Variants in EIF4E3 observed in about 807,000 individuals in gnomAD.
EIF4E3 encodes the protein eukaryotic translation initiation factor 4E type 3.
Under a neutral mutation model 31.7 loss-of-function variants are expected in EIF4E3, and 26 were observed. That is an observed-to-expected ratio of 0.82 (90% confidence interval 0.60 to 1.14). The LOEUF (loss-of-function observed/expected upper bound fraction) is 1.14, where lower values mean the gene tolerates loss of function less well. Among genes scored for constraint, EIF4E3 ranks in the 50% most tolerant of loss-of-function variants. The pLI is 0.00. For missense variants in EIF4E3, 304 were observed against 270.9 expected, an observed-to-expected ratio of 1.12 and a Z score of -0.86; for synonymous variants, 128 against 107.7, an observed-to-expected ratio of 1.19 and a Z score of -1.17.
chr3:71,725,255 G>C lies in EIF4E3; in HGVS notation c.113C>G (p.Ser38Trp). The C allele has an allele frequency of 9.3e-7, 1 of 1,076,472 alleles. No homozygotes were observed. Among genetic ancestry groups the C allele is most frequent in the Non-Finnish European group, 1.1e-6 (1 of 889,334 alleles). The allele number at this position is 1,076,472 out of a possible 1,614,324, so 66.7% of individuals were successfully genotyped here. A position where few individuals can be genotyped will look rare whatever the true frequency, so the allele number is the denominator to read the frequency against. ...CCCGCCCGGCTCAGGCTGCAGCGCC[G>C]ACAGCTGCTGCAGGCCGAGCGGCGG... ...PEPPLGLQQL[S>W]ALQPEPGGVP... Residue 38 changes from serine (S) to tryptophan (W), a missense_variant, in exon 1 of 7, where the codon TCG (serine) becomes TGG (tryptophan). Transcript: ENST00000425534. This position sits in a 1 kb window ranked among gnomAD's most constrained non-coding sequence, Gnocchi z 6.1.
intron 1 of EIF4E3, among the ~76,000 whole-genome samples, chr3:71,750,299 A>C (rs1408826569): frequency 6.6e-6 from 1 of 152,164 alleles, no homozygotes; most frequent in Non-Finnish European, 1.5e-5. Context: ...TTGAGATTCC[A>C]AGAGGTTAAG....
At chr3:71,698,288 CAG>C (rs2049168117) in intron 3 of EIF4E3, among the ~76,000 whole-genome samples, 1 of 152,192 alleles carries the variant, frequency 6.6e-6, no homozygotes, top group Non-Finnish European at 1.5e-5. Context: ...AGCACTAGTG[CAG>C]AGAGGCTCGC....
At chr3:71,737,572 C>A (rs1056504248) in intron 1 of EIF4E3, among the ~76,000 whole-genome samples, 1 of 152,030 alleles carries the variant, frequency 6.6e-6, no homozygotes, top group Non-Finnish European at 1.5e-5. Flanking sequence ...CAAGGCAGGG[C>A]AAGGGCATAA....
At chr3:71,710,202 GGC>G (rs2049354548) in intron 2 of EIF4E3, among the ~76,000 whole-genome samples, 1 of 152,196 alleles carries the variant, frequency 6.6e-6, no homozygotes, top group African/African-American at 2.4e-5. Flanking sequence ...TTCAGCAGGT[GGC>G]CAAGAGAAGA....
intron 1 of EIF4E3, among the ~76,000 whole-genome samples, chr3:71,720,294 C>T (rs2108108024): frequency 6.6e-6 from 1 of 152,126 alleles, no homozygotes; most frequent in Middle Eastern, 3.4e-3. Context: ...CATCTAGGCT[C>T]AAGGGATCCT....
At chr3:71,708,345 A>G (rs1156353536) in intron 2 of EIF4E3, among the ~76,000 whole-genome samples, 1 of 152,134 alleles carries the variant, frequency 6.6e-6, no homozygotes, top group Non-Finnish European at 1.5e-5. Context: ...GCACGAAGAC[A>G]CTTTCTGGTG....
At chr3:71,691,634 T>G (rs1384824848) in intron 5 of EIF4E3, among the ~76,000 whole-genome samples, 1 of 152,222 alleles carries the variant, frequency 6.6e-6, no homozygotes, top group African/African-American at 2.4e-5. Flanking sequence ...TAGTTACAGT[T>G]GTATGCTTAC....
At chr3:71,713,325 C>T (rs1010330067) in intron 1 of EIF4E3, among the ~76,000 whole-genome samples, 7 of 152,326 alleles carry the variant, frequency 4.6e-5, no homozygotes, top group African/African-American at 1.7e-4. Flanking sequence ...TCCCTCACTG[C>T]TGAGCTGCCC....
chr3:71,722,291 G>A (rs539582433), intron 1 of EIF4E3, among the ~76,000 whole-genome samples: 1 of 152,332 alleles, frequency 6.6e-6, no homozygotes, highest in African/African-American at 2.4e-5. Flanking sequence ...GGAGACAAAG[G>A]GGAAGGAGCA....
intron 6 of EIF4E3, among the ~76,000 whole-genome samples, chr3:71,686,347 C>T (rs747140298): frequency 3.3e-5 from 5 of 151,976 alleles, no homozygotes; most frequent in African/African-American, 1.2e-4. Flanking sequence ...GTGGATGGAA[C>T]GGGCCTATTT....
chr3:71,754,354 C>T (rs1468201853), upstream of EIF4E3: 12 of 1,312,650 alleles, frequency 9.1e-6, no homozygotes, highest in East Asian at 3.2e-4. The surrounding 1 kb of genome is among the most constrained non-coding windows in gnomAD (Gnocchi z 5.8). Flanking sequence ...GCCTTCCTGG[C>T]CGCGCTCTTC....
At chr3:71,684,862 T>C (rs1320930553) in intron 6 of EIF4E3, 134 bp from the exon 7 acceptor site, 2 of 819,786 alleles carry the variant, frequency 2.4e-6, no homozygotes, top group East Asian at 2.7e-5. Context: ...TATTTATTTA[T>C]TTATTTTTTT....
chr3:71,717,872 C>A (rs939225582), intron 1 of EIF4E3, among the ~76,000 whole-genome samples: 1 of 152,162 alleles, frequency 6.6e-6, no homozygotes, highest in Non-Finnish European at 1.5e-5. Flanking sequence ...CAGTCCAGTG[C>A]TTAACACGAA....
chr3:71,715,498 T>G, intron 1 of EIF4E3, among the ~76,000 whole-genome samples: 1 of 151,586 alleles, frequency 6.6e-6, no homozygotes, highest in African/African-American at 2.4e-5. Context: ...AGGGAGGAGG[T>G]GGGAAAGAAA....
chr3:71,737,156 G>C (rs930356690), intron 1 of EIF4E3, among the ~76,000 whole-genome samples: 1 of 152,148 alleles, frequency 6.6e-6, no homozygotes, highest in African/African-American at 2.4e-5. Context: ...CACCCAGCAA[G>C]AGGTATGGAG....
chr3:71,670,427 G>A (rs556554895), downstream of EIF4E3, among the ~76,000 whole-genome samples: 37 of 151,732 alleles, frequency 2.4e-4, no homozygotes, highest in African/African-American at 8.7e-4. Context: ...CCCAACCCCC[G>A]TGGCCCCAGC....
intron 1 of EIF4E3, among the ~76,000 whole-genome samples, chr3:71,752,806 C>G (rs146457468): frequency 1.3e-5 from 2 of 152,314 alleles, no homozygotes; most frequent in East Asian, 3.9e-4. Flanking sequence ...GGAGGCCCTA[C>G]GGAGAGGGAG....
At chr3:71,675,217 T>C (rs562347617), downstream of EIF4E3, among the ~76,000 whole-genome samples, 8 of 152,326 alleles carry the variant, frequency 5.3e-5, no homozygotes, top group Admixed American at 3.3e-4. Flanking sequence ...AAGAGGGATT[T>C]TGCATGATCC....
chr3:71,698,869 C>A (rs1469659446), intron 3 of EIF4E3, among the ~76,000 whole-genome samples: 12 of 152,190 alleles, frequency 7.9e-5, no homozygotes, highest in Admixed American at 7.9e-4. Context: ...AGAAACTACC[C>A]CTACCAGTGA....
Sources: gnomAD v4.1 joint callset for allele counts (sites outside exome capture counted in the v4.1 genomes callset) on GRCh38, gnomAD v4.1.1 for gene constraint, Gnocchi (gnomAD v3.1) non-coding constraint, MANE v1.5 for transcripts, NCBI Gene and HGNC (gene_info 2026-07-23, HGNC 2026-07-21) for gene names.